Variants in GLMN observed in about 807,000 individuals in gnomAD.
The protein encoded by GLMN is glomulin.
A neutral mutation model predicts 87.8 loss-of-function variants in GLMN; 75 were observed. The observed-to-expected ratio is 0.85, with a 90% confidence interval of 0.71 to 1.04. The LOEUF is 1.04. Among genes scored for constraint, GLMN ranks in the 50% least tolerant of loss-of-function variants. The probability of loss-of-function intolerance (pLI) is 0.00; values close to 1 mark genes in which losing one functional copy is unlikely to be tolerated. For synonymous variants in GLMN, 206 were observed against 221.6 expected (o/e 0.93, Z 0.63); for missense variants, 588 against 658.8 (o/e 0.89, Z 1.18).
At chr1:92,274,995 C>T (rs927797536) in intron 7 of GLMN, among the ~76,000 whole-genome samples, 4 of 152,196 alleles carry the variant, frequency 2.6e-5, no homozygotes, top group African/African-American at 9.7e-5. Context: ...AAATGCCAGC[C>T]TTGGAAAAAT....
At chr1:92,303,768 T>C (rs906861787), upstream of GLMN, among the ~76,000 whole-genome samples, 2 of 152,142 alleles carry the variant, frequency 1.3e-5, no homozygotes, top group Non-Finnish European at 2.9e-5. Context: ...ATTTTTTTAA[T>C]AATAACTTTT....
intron 16 of GLMN, among the ~76,000 whole-genome samples, chr1:92,254,931 C>A (rs1225698857): frequency 3.9e-5 from 6 of 152,146 alleles, no homozygotes. Context: ...TGTAAATGGG[C>A]TAAATGCCCC....
intron 7 of GLMN, among the ~76,000 whole-genome samples, chr1:92,277,835 A>T (rs1279582296): frequency 6.6e-6 from 1 of 152,176 alleles, no homozygotes. Context: ...AAATGTAAGT[A>T]AGCAGTGCCC....
At chr1:92,260,146 G>A (rs1362013249) in intron 16 of GLMN, among the ~76,000 whole-genome samples, 1 of 152,158 alleles carries the variant, frequency 6.6e-6, no homozygotes, top group African/African-American at 2.4e-5. Context: ...TATTGTCATT[G>A]CACTCAGGAG....
At chr1:92,296,292 G>C (rs1010524507) in intron 3 of GLMN, among the ~76,000 whole-genome samples, 1 of 152,118 alleles carries the variant, frequency 6.6e-6, no homozygotes, top group African/African-American at 2.4e-5. Context: ...TTCTCATGCT[G>C]CTATGAAAAA....
At chr1:92,315,858 T>C in the GLMN span, among the ~76,000 whole-genome samples, 1 of 152,308 alleles carries the variant, frequency 6.6e-6, no homozygotes, top group African/African-American at 2.4e-5. Context: ...CCTGATACCC[T>C]GTTAGAGACA....
chr1:92,292,127 A>C (rs1034515305), intron 3 of GLMN, among the ~76,000 whole-genome samples: 2 of 152,188 alleles, frequency 1.3e-5, no homozygotes, highest in African/African-American at 4.8e-5. Context: ...AATGTATTCC[A>C]CTTCTCTGGC....
chr1:92,362,245 T>G, the GLMN span, among the ~76,000 whole-genome samples: 1 of 152,202 alleles, frequency 6.6e-6, no homozygotes, highest in African/African-American at 2.4e-5. Flanking sequence ...ATTTAGATTG[T>G]ATATTATAGA....
the GLMN span, among the ~76,000 whole-genome samples, chr1:92,352,254 A>C: frequency 6.6e-6 from 1 of 152,204 alleles, no homozygotes; most frequent in Admixed American, 6.5e-5. Context: ...TCGTTCAGGG[A>C]GTAGCATGCA....
chr1:92,283,769 A>C (rs954419708), intron 7 of GLMN, among the ~76,000 whole-genome samples: 2 of 152,216 alleles, frequency 1.3e-5, no homozygotes, highest in Admixed American at 6.5e-5. Context: ...AACTTCAGCA[A>C]AGTCTCAGGA....
the GLMN span, chr1:92,323,472 A>G: frequency 6.2e-7 from 1 of 1,609,148 alleles, no homozygotes; most frequent in Non-Finnish European, 8.5e-7. Flanking sequence ...AAGTACAGTT[A>G]TGCAGTAAAG....
At chr1:92,252,847 A>ATACCC (rs1653705800) in intron 16 of GLMN, among the ~76,000 whole-genome samples, 2 of 152,230 alleles carry the variant, frequency 1.3e-5, no homozygotes, top group African/African-American at 4.8e-5. Context: ...TTTTAATTTC[A>ATACCC]TACCCAAGGA....
the GLMN span, among the ~76,000 whole-genome samples, chr1:92,350,793 A>G: frequency 3.3e-5 from 5 of 152,072 alleles, no homozygotes; most frequent in African/African-American, 4.8e-5. Flanking sequence ...TTAGCCAGGC[A>G]TGGTGGGGCA....
chr1:92,322,212 C>T, the GLMN span, among the ~76,000 whole-genome samples: 13 of 151,208 alleles, frequency 8.6e-5, no homozygotes, highest in East Asian at 2.4e-3. Flanking sequence ...TCCCAAGGTG[C>T]TGGGATTACA....
intron 5 of GLMN, 70 bp downstream of exon 5, chr1:92,290,128 C>T: frequency 1.1e-6 from 1 of 882,410 alleles, no homozygotes; most frequent in Non-Finnish European, 1.9e-6. Context: ...GTAGTATTGA[C>T]ATTTTGAGGT....
At position 92,290,291 on chromosome 1, in the gene GLMN, C is replaced by CGGAATT; in HGVS notation, c.300_301insAATTCC (p.Lys100_Glu101insAsnSer). ...AGTTCAAGCAAACCCAACAATAATT[C>CGGAATT]CTTTGGATTGCATAACTATAAAAAT... On this transcript the variant is annotated inframe_insertion, in exon 5 of 19. Transcript: ENST00000370360. 1 of 1,587,242 alleles carries CGGAATT rather than the reference C, an allele frequency of 6.3e-7. No individual in the cohort carries two copies. Among genetic ancestry groups the CGGAATT allele is most frequent in the Non-Finnish European group, 8.7e-7 (1 of 1,155,960 alleles).
In GLMN at chr1:92,247,885, A is replaced by G. The variant is rs964338208; in HGVS notation, c.1578T>C (p.Asn526=). The G allele has an allele frequency of 2.5e-6, 3 of 1,208,356 alleles. No homozygotes were observed. Among genetic ancestry groups the G allele is most frequent in the East Asian group, 2.3e-5 (1 of 42,922 alleles). The allele number at this position is 1,208,356 out of a possible 1,614,324, so 74.9% of individuals were successfully genotyped here. A position where few individuals can be genotyped will look rare whatever the true frequency, so the allele number is the denominator to read the frequency against. Residue 526 remains asparagine, a synonymous_variant, in exon 17 of 19, where the codon AAT becomes AAC. Transcript: ENST00000370360. ...AAATTGCACATTACCAACCTTGGCT[A>G]TTTTTAATTTCTGCTTCATAATGTG... ...SKAHYEAEIK[N]SQEAQKSKDL...
chr1:92,269,597 G>A (rs1422779385), intron 9 of GLMN, 126 bp downstream of exon 9: 6 of 701,298 alleles, frequency 8.6e-6, no homozygotes, highest in South Asian at 3.1e-5. Flanking sequence ...TATTTGCCTC[G>A]CTGTTTTATA....
chr1:92,246,434 A>C lies in GLMN; in HGVS notation c.*96T>G. ...GAAAAGCTACATTTATTTTTCAAGC[A>C]GTAAATTTTTACAGAAAAATTTTTT... On this transcript the variant is annotated 3_prime_UTR_variant, in exon 19 of 19. Transcript: ENST00000370360. The C allele has an allele frequency of 4.5e-6, 3 of 669,626 alleles. No homozygotes were observed. The highest frequency in any genetic ancestry group is 8.1e-6 in the Non-Finnish European group (3 of 372,222). 41.5% of individuals were successfully genotyped at this position (669,626 alleles called of 1,614,324 possible).
Sources: allele counts gnomAD v4.1 joint callset (sites outside exome capture counted in the v4.1 genomes callset), GRCh38; gene constraint gnomAD v4.1.1; transcripts MANE v1.5; gene names NCBI Gene and HGNC (gene_info 2026-07-23, HGNC 2026-07-21).